The following ANKMY1 variants were observed in gnomAD, a reference collection of about 807,000 sequenced individuals.
The protein encoded by ANKMY1 is ankyrin repeat and MYND domain-containing protein 1.
Under a neutral mutation model 102.0 loss-of-function variants are expected in ANKMY1, and 98 were observed. The ratio of observed to expected loss-of-function variants is 0.96; its 90% CI spans 0.82 to 1.14. ANKMY1 has a LOEUF of 1.14. Among genes scored for constraint, ANKMY1 ranks in the 50% most tolerant of loss-of-function variants. The pLI is 0.00. For missense variants in ANKMY1, 1,330 were observed against 1,347.6 expected, an observed-to-expected ratio of 0.99 and a Z score of 0.20; for synonymous variants, 582 against 559.9, an observed-to-expected ratio of 1.04 and a Z score of -0.56.
chr2:240,476,448 A>C (rs927745038), downstream of ANKMY1, among the ~76,000 whole-genome samples: 4 of 152,234 alleles, frequency 2.6e-5, no homozygotes, highest in African/African-American at 9.6e-5. Context: ...CTAAGTCCCA[A>C]CGAGACATTT....
intron 12 of ANKMY1, 113 bp from the exon 13 acceptor site, chr2:240,507,804 C>A: frequency 1.5e-6 from 2 of 1,297,948 alleles, no homozygotes; most frequent in Non-Finnish European, 2.0e-6. Context: ...AGGGGCTTCA[C>A]GGAGGCCACC....
chr2:240,504,638 A>C (rs925303819), intron 13 of ANKMY1, among the ~76,000 whole-genome samples: 11 of 152,220 alleles, frequency 7.2e-5, no homozygotes, highest in Non-Finnish European at 2.9e-5. Context: ...TCCAAATAAG[A>C]TATAGAAATG....
At chr2:240,555,279 C>G (rs908391106) in intron 2 of ANKMY1, 1 of 571,838 alleles carries the variant, frequency 1.7e-6, no homozygotes, top group East Asian at 2.9e-5. Flanking sequence ...AGGCTGCCAA[C>G]GGATAGGAGA....
chr2:240,471,862 A>G, the ANKMY1 span, among the ~76,000 whole-genome samples: 22 of 152,126 alleles, frequency 1.4e-4, no homozygotes, highest in African/African-American at 4.6e-4. Context: ...TCATCCCCCT[A>G]TGGACTCAAT....
chr2:240,560,856 C>CCG, upstream of ANKMY1: 1 of 1,393,440 alleles, frequency 7.2e-7, no homozygotes, highest in Non-Finnish European at 9.2e-7. Context: ...GCAGCCCGGC[C>CCG]CGCGCGCGCC....
chr2:240,558,428 C>A (rs1417352163), upstream of ANKMY1: 1 of 150,562 alleles, frequency 6.6e-6, no homozygotes, highest in Non-Finnish European at 1.5e-5. Context: ...ATGAGGGAGG[C>A]CGCAAGAGTC....
At chr2:240,555,784 A>T (rs753851461) in intron 2 of ANKMY1, among the ~76,000 whole-genome samples, 2 of 151,948 alleles carry the variant, frequency 1.3e-5, no homozygotes, top group African/African-American at 2.4e-5. Flanking sequence ...ACCTCCACAG[A>T]TGGATGGGGT....
intron 4 of ANKMY1, among the ~76,000 whole-genome samples, chr2:240,537,494 T>G (rs578093073): frequency 1.3e-5 from 2 of 152,230 alleles, no homozygotes; most frequent in Non-Finnish European, 2.9e-5. Flanking sequence ...TATTTCTCTC[T>G]GGCTGCAGTC....
intron 17 of ANKMY1, among the ~76,000 whole-genome samples, chr2:240,480,116 G>A (rs1014582873): frequency 3.3e-5 from 5 of 152,120 alleles, no homozygotes; most frequent in Non-Finnish European, 4.4e-5. Context: ...CACTGGAACC[G>A]GGGAGGCGGA....
At chr2:240,548,067 G>T (rs2090782057) in intron 4 of ANKMY1, among the ~76,000 whole-genome samples, 2 of 152,096 alleles carry the variant, frequency 1.3e-5, no homozygotes, top group African/African-American at 4.8e-5. Flanking sequence ...CCAAAAAAGA[G>T]AATTTTAGAC....
intron 15 of ANKMY1, 63 bp from the exon 16 acceptor site, chr2:240,482,324 G>T (rs1415488353): frequency 4.4e-5 from 65 of 1,482,178 alleles, no homozygotes; most frequent in Non-Finnish European, 5.9e-5. Flanking sequence ...CACTGCAGAA[G>T]CCACCTCCTT....
In ANKMY1 at chr2:240,523,896, C is replaced by T. The variant is rs1202956796; in HGVS notation, c.1821G>A (p.Leu607=). The T allele has an allele frequency of 2.5e-6, 4 of 1,612,686 alleles. No homozygotes were observed. Among genetic ancestry groups the T allele is most frequent in the African/African-American group, 1.3e-5 (1 of 75,046 alleles). ...GTGCCAGGACCTACTCGATCATGGA[C>T]AGCGCCATCCTCCGCATGGTCCCTT... ...FDKGTMRRMA[L]SMIERRKRWR... is the part of the protein sequence containing the mutation. Residue 607 remains leucine (L), a synonymous_variant, in exon 8 of 18, where the codon CTG becomes CTA. Transcript: ENST00000401804.
upstream of ANKMY1, chr2:240,560,980 G>A (rs763623217): frequency 1.2e-5 from 18 of 1,540,250 alleles, no homozygotes; most frequent in Non-Finnish European, 1.6e-5. Context: ...GGCGGCGCCT[G>A]CCTAGTCTAC....
In ANKMY1 at chr2:240,555,024, C is replaced by T. The variant is rs1192226624; in HGVS notation, c.178G>A (p.Glu60Lys). 1 of 1,613,992 alleles carries T rather than the reference C, an allele frequency of 6.2e-7. No homozygotes were observed. The highest frequency in any genetic ancestry group is 8.5e-7 in the Non-Finnish European group (1 of 1,179,994). ...DVSAAPEKEE[E>K]EAEGPLRAQD... ...GCCCTCAGCGGGCCCTCAGCTTCCT[C>T]CTCTTCCTTCTCAGGGGCTGCTGAA... is the stretch of plus-strand genomic sequence containing the variant. The change falls in exon 3 of 18, where the codon GAG becomes AAG. Residue 60 changes from glutamate (E) to lysine (K), a missense_variant. By Grantham distance (56) the Glu-to-Lys change is moderately conservative. Coordinates refer to ENST00000401804, the MANE Select transcript of ANKMY1 (RefSeq NM_001282771.3).
At chr2:240,475,013 A>G (rs1380523224), downstream of ANKMY1, among the ~76,000 whole-genome samples, 3 of 152,232 alleles carry the variant, frequency 2.0e-5, no homozygotes, top group Non-Finnish European at 2.9e-5. Flanking sequence ...GCTTTCCACA[A>G]TGGCTGAACT....
downstream of ANKMY1, among the ~76,000 whole-genome samples, chr2:240,474,717 C>T (rs994599998): frequency 6.6e-6 from 1 of 152,198 alleles, no homozygotes; most frequent in Non-Finnish European, 1.5e-5. Context: ...ATAATAGCCT[C>T]CAGCTCCATC....
chr2:240,538,549 G>A (rs73105978), intron 4 of ANKMY1, among the ~76,000 whole-genome samples: 3,254 of 152,210 alleles, frequency 0.021, 140 homozygotes, highest in African/African-American at 0.074. Context: ...AGCGTGCCAT[G>A]CCCGAGCGCC....
At chr2:240,502,725 C>G (rs1028742420) in intron 13 of ANKMY1, among the ~76,000 whole-genome samples, 1 of 151,974 alleles carries the variant, frequency 6.6e-6, no homozygotes, top group Non-Finnish European at 1.5e-5. Flanking sequence ...ATTCACTCAC[C>G]AACGCTCTCC....
chr2:240,510,846 T>C (rs539158989), intron 11 of ANKMY1, among the ~76,000 whole-genome samples: 1 of 151,994 alleles, frequency 6.6e-6, no homozygotes, highest in Admixed American at 6.5e-5. Flanking sequence ...CCCACAACTT[T>C]CCCAATCTGT....
Sources: gnomAD v4.1 joint callset for allele counts (sites outside exome capture counted in the v4.1 genomes callset) on GRCh38, gnomAD v4.1.1 for gene constraint, MANE v1.5 for transcripts, NCBI Gene and HGNC (gene_info 2026-07-23, HGNC 2026-07-21) for gene names.